Variants in PACSIN2 observed in about 807,000 individuals in gnomAD.
The protein encoded by PACSIN2 is protein kinase C and casein kinase substrate in neurons protein 2.
Under a neutral mutation model 63.8 loss-of-function variants are expected in PACSIN2, and 25 were observed. The observed-to-expected ratio is 0.39, with a 90% CI of 0.29 to 0.55. The LOEUF is 0.55. PACSIN2 is among the 20% of genes least tolerant of loss of function. The pLI, the probability that PACSIN2 is intolerant of heterozygous loss-of-function variation, is 0.62. For missense variants in PACSIN2, 518 were observed against 646.9 expected (o/e 0.80, Z 2.16); for synonymous variants, 255 against 256.2 (o/e 1.00, Z 0.05).
At chr22:42,879,301 T>A in intron 7 of PACSIN2, 132 bp from the exon 8 acceptor site, 1 of 954,812 alleles carries the variant, frequency 1.0e-6, no homozygotes, top group South Asian at 1.9e-5. Context: ...GGGCCCCAGC[T>A]CTCCCTGGTT....
intron 3 of PACSIN2, among the ~76,000 whole-genome samples, chr22:42,892,296 C>T (rs1213676949): frequency 6.6e-6 from 1 of 152,136 alleles, no homozygotes. Context: ...ACCAAGTGCG[C>T]TGAGTCATGA....
intron 7 of PACSIN2, among the ~76,000 whole-genome samples, chr22:42,879,371 C>T (rs1928902778): frequency 6.6e-6 from 1 of 152,260 alleles, no homozygotes; most frequent in South Asian, 2.1e-4. Context: ...CTGAGCCCCT[C>T]CTCACTGTTC....
intron 1 of PACSIN2, among the ~76,000 whole-genome samples, chr22:43,012,150 AATAAATACATAC>A (rs1368244156): frequency 2.3e-5 from 3 of 132,226 alleles, no homozygotes; most frequent in African/African-American, 9.3e-5. Context: ...TCTCAAAATA[AATAAATACATAC>A]ATACATACAT....
chr22:43,013,944 C>A (rs1924670814), intron 1 of PACSIN2, among the ~76,000 whole-genome samples: 1 of 152,184 alleles, frequency 6.6e-6, no homozygotes, highest in African/African-American at 2.4e-5. Context: ...TTCCCTCAGG[C>A]ACCCAAGCCA....
At chr22:43,005,116 T>A (rs974205250) in intron 1 of PACSIN2, among the ~76,000 whole-genome samples, 1 of 152,264 alleles carries the variant, frequency 6.6e-6, no homozygotes, top group Non-Finnish European at 1.5e-5. Flanking sequence ...TTCCTATAAT[T>A]CTAAAGCCTT....
At chr22:42,875,192 C>G (rs1380021677) in intron 10 of PACSIN2, among the ~76,000 whole-genome samples, 1 of 151,098 alleles carries the variant, frequency 6.6e-6, no homozygotes, top group African/African-American at 2.4e-5. Context: ...GCTCTCTCTT[C>G]TAGGCTAGAG....
intron 10 of PACSIN2, among the ~76,000 whole-genome samples, chr22:42,874,514 GTGCACACACACAAGTTGC>G (rs1569201782): frequency 1.3e-5 from 2 of 152,200 alleles, no homozygotes. Flanking sequence ...GCAGGTAGGT[GTGCACACACACAAGTTGC>G]TGCCTGAGAC....
intron 2 of PACSIN2, among the ~76,000 whole-genome samples, chr22:42,902,810 C>T (rs929190477): frequency 3.9e-5 from 6 of 152,116 alleles, no homozygotes; most frequent in Admixed American, 1.3e-4. Flanking sequence ...GACAGGGCTT[C>T]GCCATGTTGG....
chr22:42,871,911 C>T lies in PACSIN2; in HGVS notation c.1349-442G>A, dbSNP rs1928169718. The stretch of plus-strand genomic sequence containing the variant: ...GGGGTCTCTCTGCCTTTGCTAATCC[C>T]TCTCCTCTGCAACTTCCAGGCTGCG... On this transcript the variant is annotated intron_variant, in intron 10 of 10. Coordinates refer to ENST00000263246, the MANE Select transcript of PACSIN2 (RefSeq NM_001184970.3). This position sits in a 1 kb window ranked among gnomAD's most constrained non-coding sequence, Gnocchi z 5.4. 7.2e-6 allele frequency among the ~76,000 whole-genome samples: 1 copy of T among 139,314 alleles called. No individual in the cohort carries two copies. The highest frequency in any genetic ancestry group is 1.5e-5 in the Non-Finnish European group (1 of 65,972). 91.4% of individuals were successfully genotyped at this position (139,314 alleles called of 152,430 possible).
intron 1 of PACSIN2, among the ~76,000 whole-genome samples, chr22:42,966,362 TAA>T (rs775584167): frequency 1.5e-4 from 20 of 131,932 alleles, no homozygotes; most frequent in Non-Finnish European, 1.8e-4. Flanking sequence ...AGACTGCATC[TAA>T]AAAAAAAAAA....
At chr22:42,890,004 C>T (rs1247442488) in intron 4 of PACSIN2, among the ~76,000 whole-genome samples, 4 of 137,026 alleles carry the variant, frequency 2.9e-5, no homozygotes, top group South Asian at 2.3e-4. Context: ...GCCAAAGGGA[C>T]TTTTTTTTTT....
At chr22:42,918,030 A>C (rs1164141516) in intron 1 of PACSIN2, among the ~76,000 whole-genome samples, 3 of 152,118 alleles carry the variant, frequency 2.0e-5, no homozygotes, top group Non-Finnish European at 4.4e-5. Flanking sequence ...TATTATCCCC[A>C]CTTGCCTGGC....
At chr22:42,972,325 A>G (rs1921386471) in intron 1 of PACSIN2, among the ~76,000 whole-genome samples, 1 of 152,190 alleles carries the variant, frequency 6.6e-6, no homozygotes, top group South Asian at 2.1e-4. Context: ...TTTAAGAGTC[A>G]TCACCACTCC....
rs1928082674 is a variant in PACSIN2 at position 42,871,189 on chromosome 22, T to TGCC, written c.*165_*167dup. ...ATCCCTCCAGCTGCACTCGGAAAGG[T>TGCC]GCCGAGTCCCAGGCGAAATGACCAG... On this transcript the variant is annotated 3_prime_UTR_variant, in exon 11 of 11. Transcript: ENST00000263246. This position sits in a 1 kb window ranked among gnomAD's most constrained non-coding sequence, Gnocchi z 5.4. 4 of 622,076 alleles carry TGCC rather than the reference T, an allele frequency of 6.4e-6. No homozygotes were observed. The highest frequency in any genetic ancestry group is 5.5e-5 in the African/African-American group (3 of 54,898). 38.5% of individuals were successfully genotyped at this position (622,076 alleles called of 1,614,324 possible).
intron 1 of PACSIN2, among the ~76,000 whole-genome samples, chr22:42,982,145 G>A (rs113691073): frequency 1.6e-5 from 2 of 125,158 alleles, no homozygotes; most frequent in African/African-American, 6.3e-5. Context: ...CCCCCCGCCC[G>A]GCCAGCCGCC....
chr22:42,929,665 T>C (rs1018679075), intron 1 of PACSIN2, among the ~76,000 whole-genome samples: 4 of 152,194 alleles, frequency 2.6e-5, no homozygotes, highest in African/African-American at 9.7e-5. Flanking sequence ...TTTCCAATTG[T>C]GTGACGTCTG....
At chr22:42,877,155 T>C (rs1267664819) in intron 8 of PACSIN2, 145 bp from the exon 9 acceptor site, 20 of 814,054 alleles carry the variant, frequency 2.5e-5, no homozygotes, top group Middle Eastern at 3.6e-4. Context: ...GAAAGGTTAC[T>C]ATGGCAGAAT....
At chr22:42,947,734 G>A (rs1933492699) in intron 1 of PACSIN2, among the ~76,000 whole-genome samples, 1 of 152,106 alleles carries the variant, frequency 6.6e-6, no homozygotes, top group Admixed American at 6.5e-5. Context: ...AGAGCTCTGC[G>A]CCTGACACTG....
intron 1 of PACSIN2, among the ~76,000 whole-genome samples, chr22:42,999,516 A>G (rs918200369): frequency 3.9e-5 from 6 of 152,206 alleles, no homozygotes; most frequent in African/African-American, 1.4e-4. Flanking sequence ...CTAAAAACAC[A>G]AAATTAGCCC....
Sources: allele counts gnomAD v4.1 joint callset (sites outside exome capture counted in the v4.1 genomes callset), GRCh38; gene constraint gnomAD v4.1.1; non-coding constraint Gnocchi (gnomAD v3.1); transcripts MANE v1.5; gene names NCBI Gene and HGNC (gene_info 2026-07-23, HGNC 2026-07-21).